Variants in ARSL observed in about 807,000 individuals in gnomAD.
ARSL encodes arylsulfatase L, also known as arylsulfatase E (chondrodysplasia punctata 1).
In ARSL, 4 loss-of-function variants were observed where a neutral mutation model predicts 31.1. The ratio of observed to expected loss-of-function variants is 0.13; its 90% CI spans 0.06 to 0.29. The LOEUF (loss-of-function observed/expected upper bound fraction) is 0.29, where lower values mean the gene tolerates loss of function less well. Ranked by LOEUF, ARSL falls within the 10% of genes least tolerant of loss-of-function variation. The pLI is 1.00. For missense variants in ARSL, 312 were observed against 497.8 expected (o/e 0.63, Z 3.55); for synonymous variants, 198 against 209.9 (o/e 0.94, Z 0.49).
rs63021261 is a variant in ARSL, at chrX:2,951,874, GTTTTTT to G, written c.430+1263_430+1268del. Among the ~76,000 whole-genome samples the G allele has an allele frequency of 7.1e-5, 6 of 84,183 alleles. No homozygotes were observed. The South Asian group carries it at 2.6e-3, about 37-fold the overall frequency. The allele number at this position is 84,183 out of a possible 115,157, so 73.1% of individuals were successfully genotyped here. ...CGATGACTGAATCTCCCCAGAATTT[GTTTTTT>G]TTTTTTTTTTGGTAAAAAATTAAAC... On this transcript the variant is annotated intron_variant, in intron 5 of 10. Coordinates refer to ENST00000381134, the MANE Select transcript of ARSL (RefSeq NM_000047.3).
chrX:2,944,839 A>G (rs1454296574), intron 7 of ARSL, among the ~76,000 whole-genome samples: 1 of 110,962 alleles, frequency 9.0e-6, no homozygotes, highest in Non-Finnish European at 1.9e-5. Flanking sequence ...CCCCTGGGGG[A>G]AATGGAAAAT....
chrX:2,960,449 C>T, intron 1 of ARSL, 29 bp from the exon 2 acceptor site: 2 of 1,196,717 alleles, frequency 1.7e-6, no homozygotes, highest in Non-Finnish European at 2.3e-6. Context: ...TCCACAATCA[C>T]ATTGACAGCA....
chrX:2,960,393 T>C lies in ARSL; in HGVS notation c.8A>G (p.His3Arg). The C allele has an allele frequency of 1.7e-6, 2 of 1,195,719 alleles. No individual in the cohort carries two copies. Among genetic ancestry groups the C allele is most frequent in the Non-Finnish European group, 2.3e-6 (2 of 883,936 alleles). ML[H>R]LHHSCLCFRS... is the part of the protein sequence containing the mutation. ...TGTATCTTACCAAGAATGGTGCAGA[T>C]GTAACATGTTGTCTCTCTCTCTACT... The change falls in exon 2 of 11, where the codon CAT (histidine) becomes CGT (arginine). Residue 3 changes from histidine (H) to arginine (R), a missense_variant. His to Arg is a conservative substitution (Grantham distance 29, BLOSUM62 0). Coordinates refer to ENST00000381134, the MANE Select transcript of ARSL (RefSeq NM_000047.3).
Position 2,949,342 on chromosome X carries a change from T to G in ARSL, c.816A>C (p.Thr272=). 8.3e-7 allele frequency: 1 copy of G among 1,211,315 alleles called. No homozygotes were observed. Among genetic ancestry groups the G allele is most frequent in the Non-Finnish European group, 1.1e-6 (1 of 895,454 alleles). The part of the protein sequence containing the change: ...TEQPMCFQRT[T]PLILQEVASF... The stretch of plus-strand genomic sequence containing the variant: ...ACGCAACCTCCTGCAGAATAAGGGG[T>G]GTCGTTCTTTGGAAGCACATGGGCT... Residue 272 remains threonine, a synonymous_variant, in exon 6 of 11, where the codon ACA becomes ACC. Transcript: ENST00000381134.
rs747983908 is a variant in ARSL at position 2,962,476 on chromosome X, C to T, written c.-21+1748G>A. ...CAGGCACTGAGAGCCTAGAAGTGGC[C>T]GTGGTGTCTGTCCAGGTGAAACCTG... On this transcript the variant is annotated intron_variant, in intron 1 of 10. Transcript: ENST00000381134. 1.5e-3 allele frequency among the ~76,000 whole-genome samples: 168 copies of T among 108,683 alleles called. 1 individual carries two copies. Among genetic ancestry groups the T allele is most frequent in the African/African-American group, 5.4e-3 (162 of 29,878 alleles). 94.4% of individuals were successfully genotyped at this position (108,683 alleles called of 115,157 possible).
chrX:2,950,634 GA>G (rs1175239658), intron 5 of ARSL, among the ~76,000 whole-genome samples: 1 of 111,751 alleles, frequency 8.9e-6, no homozygotes, highest in Admixed American at 9.6e-5. Context: ...CTGCCGCCAT[GA>G]AAGACATGCC....
At chrX:2,964,677 G>C (rs189205065), upstream of ARSL, 1 of 121,433 alleles carries the variant, frequency 8.2e-6, no homozygotes, top group Non-Finnish European at 1.6e-5. Flanking sequence ...GCTATAATAT[G>C]ATCATATCCA....
At chrX:2,962,084 CT>C (rs745694327) in intron 1 of ARSL, among the ~76,000 whole-genome samples, 1 of 110,031 alleles carries the variant, frequency 9.1e-6, no homozygotes, top group African/African-American at 3.3e-5. Flanking sequence ...TGGAAGCCCC[CT>C]GACTTTGAGT....
chrX:2,943,603 G>A (rs184216001), intron 7 of ARSL, among the ~76,000 whole-genome samples: 2 of 108,515 alleles, frequency 1.8e-5, no homozygotes, highest in African/African-American at 3.4e-5. Flanking sequence ...TTAGCCGGGC[G>A]TGGTGGCACA....
At chrX:2,959,461 A>G (rs2089572477) in intron 2 of ARSL, 1 of 791,488 alleles carries the variant, frequency 1.3e-6, no homozygotes, top group Admixed American at 4.7e-5. Context: ...GGGAATGCAC[A>G]TGGACAGCAG....
intron 8 of ARSL, among the ~76,000 whole-genome samples, chrX:2,939,864 CTTTTTTTTTT>C (rs35373572): frequency 1.3e-4 from 7 of 55,413 alleles, no homozygotes; most frequent in African/African-American, 4.1e-4. Context: ...ACCCTTCTAC[CTTTTTTTTTT>C]TTTTTTTTTT....
At chrX:2,955,290 G>T in intron 4 of ARSL, 126 bp downstream of exon 4, 2 of 881,169 alleles carry the variant, frequency 2.3e-6, no homozygotes, top group Non-Finnish European at 3.2e-6. Context: ...ACCAGCATGG[G>T]CAAGATAGAG....
chrX:2,936,312 AT>A (rs1250522001), intron 10 of ARSL, among the ~76,000 whole-genome samples: 1 of 111,274 alleles, frequency 9.0e-6, no homozygotes, highest in Admixed American at 9.6e-5. Context: ...TCTCAAAAAA[AT>A]AATTACAAAA....
At chrX:2,941,009 A>G (rs1306869096) in intron 8 of ARSL, among the ~76,000 whole-genome samples, 1 of 111,154 alleles carries the variant, frequency 9.0e-6, no homozygotes, top group Non-Finnish European at 1.9e-5. Context: ...ATAAAATTCT[A>G]AGGACCCCCA....
intron 4 of ARSL, 111 bp from the exon 5 acceptor site, chrX:2,953,376 A>G: frequency 1.1e-6 from 1 of 937,391 alleles, no homozygotes; most frequent in Non-Finnish European, 1.4e-6. Flanking sequence ...CTTACTTAAA[A>G]TTAAATTGAA....
intron 2 of ARSL, among the ~76,000 whole-genome samples, chrX:2,960,040 C>A (rs201674715): frequency 9.4e-6 from 1 of 106,594 alleles, no homozygotes; most frequent in Non-Finnish European, 1.9e-5. Flanking sequence ...GAGGCCGAGG[C>A]GGGCGGATCA....
At chrX:2,966,568 G>T (rs1181431983), upstream of ARSL, among the ~76,000 whole-genome samples, 3 of 104,754 alleles carry the variant, frequency 2.9e-5, no homozygotes, top group Non-Finnish European at 5.8e-5. Flanking sequence ...TTGAGCCCAG[G>T]AGTTCAAGTT....
intron 2 of ARSL, chrX:2,959,696 C>G (rs2089577100): frequency 5.2e-6 from 6 of 1,148,845 alleles, no homozygotes; most frequent in Non-Finnish European, 6.9e-6. Flanking sequence ...AATCACGGGT[C>G]TCATGCTTCA....
chrX:2,942,979 A>G (rs1177729451), intron 8 of ARSL, 86 bp downstream of exon 8: 78 of 1,136,970 alleles, frequency 6.9e-5, no homozygotes, highest in Non-Finnish European at 9.3e-5. Context: ...AATAATATTG[A>G]CCCTCCTGGA....
Sources: allele counts gnomAD v4.1 joint callset (sites outside exome capture counted in the v4.1 genomes callset), GRCh38; gene constraint gnomAD v4.1.1; transcripts MANE v1.5; gene names NCBI Gene and HGNC (gene_info 2026-07-23, HGNC 2026-07-21).